Variants in SLC36A4 observed in about 807,000 individuals in gnomAD.
SLC36A4 encodes neutral amino acid uniporter 4.
A neutral mutation model predicts 50.5 loss-of-function variants in SLC36A4; 49 were observed. The observed-to-expected ratio is 0.97, with a 90% confidence interval of 0.77 to 1.23. SLC36A4 has a LOEUF of 1.23. Ranked by LOEUF, SLC36A4 falls within the 50% of genes most tolerant of loss-of-function variation. SLC36A4 has a pLI of 0.00. For synonymous variants in SLC36A4, 207 were observed against 206.5 expected (o/e 1.00, Z -0.02); for missense variants, 611 against 608.4 (o/e 1.00, Z -0.05).
chr11:93,145,354 A>G lies in SLC36A4; in HGVS notation c.*3183T>C, dbSNP rs1240168254. The G allele has an allele frequency of 1.3e-5, 2 of 152,142 alleles. No homozygotes were observed. Among genetic ancestry groups the G allele is most frequent in the Admixed American group, 1.3e-4 (2 of 15,250 alleles). 9.4% of individuals were successfully genotyped at this position (152,142 alleles called of 1,614,324 possible). ...GAGAATTTAGTGAGAATACGACTAA[A>G]TATAATGTGGCATTTGCTAATACAG... On this transcript the variant is annotated 3_prime_UTR_variant, in exon 11 of 11. Coordinates refer to ENST00000326402, the MANE Select transcript of SLC36A4 (RefSeq NM_152313.4).
At chr11:93,153,211 C>T (rs983078569) in intron 10 of SLC36A4, among the ~76,000 whole-genome samples, 6 of 152,194 alleles carry the variant, frequency 3.9e-5, no homozygotes, top group African/African-American at 1.2e-4. Context: ...ATATCTTACA[C>T]AAGGAATTTC....
chr11:93,185,764 A>T lies in SLC36A4; in HGVS notation c.106T>A (p.Ser36Thr), dbSNP rs1861958053. ...LINEQNFDGT[S>T]DEEHEQELLP... ...AGCTCTTGCTCATGTTCTTCATCTGATGTCCCATCAAAATTCTGCTCATTT... is the reference window on the plus strand; with the variant it reads ...AGCTCTTGCTCATGTTCTTCATCTGTTGTCCCATCAAAATTCTGCTCATTT... The change falls in exon 2 of 11, where the codon TCA becomes ACA. Residue 36 changes from serine to threonine, a missense_variant. Physicochemically the swap from Ser to Thr is moderately conservative, Grantham distance 58. Transcript: ENST00000326402. 6.2e-7 allele frequency: 1 copy of T among 1,608,620 alleles called. No homozygotes were observed.
intron 1 of SLC36A4, among the ~76,000 whole-genome samples, chr11:93,186,617 C>G (rs1037731896): frequency 2.0e-5 from 3 of 152,078 alleles, no homozygotes; most frequent in Non-Finnish European, 4.4e-5. Flanking sequence ...TCTAGTTTTT[C>G]CTGTCTCTGT....
chr11:93,178,288 C>G (rs1030782995), intron 6 of SLC36A4, among the ~76,000 whole-genome samples: 1 of 152,110 alleles, frequency 6.6e-6, no homozygotes, highest in African/African-American at 2.4e-5. Flanking sequence ...TTTCCAGGTA[C>G]CATCTGTCAT....
chr11:93,164,510 T>C (rs1860776243), intron 8 of SLC36A4, among the ~76,000 whole-genome samples: 1 of 152,160 alleles, frequency 6.6e-6, no homozygotes, highest in African/African-American at 2.4e-5. Context: ...ACAATAACTC[T>C]ATGAGATGAT....
At chr11:93,161,523 T>G (rs1273356273) in intron 9 of SLC36A4, among the ~76,000 whole-genome samples, 1 of 152,252 alleles carries the variant, frequency 6.6e-6, no homozygotes, top group African/African-American at 2.4e-5. Flanking sequence ...TGCTCTGTCA[T>G]AAATGGCTTC....
At chr11:93,180,903 T>C (rs775394075) in intron 5 of SLC36A4, 22 bp from the exon 6 acceptor site, 1 of 1,516,190 alleles carries the variant, frequency 6.6e-7, no homozygotes, top group Non-Finnish European at 9.2e-7. Context: ...TATCCACAAA[T>C]GAGTATCCAG....
chr11:93,180,393 C>A (rs1372084792), intron 6 of SLC36A4: 2 of 876,388 alleles, frequency 2.3e-6, no homozygotes, highest in Non-Finnish European at 2.7e-6. Context: ...CTATAATTAC[C>A]AGATTTTAAT....
intron 5 of SLC36A4, among the ~76,000 whole-genome samples, chr11:93,181,463 C>T (rs1861728759): frequency 6.6e-6 from 1 of 152,008 alleles, no homozygotes; most frequent in Non-Finnish European, 1.5e-5. Flanking sequence ...ACTGTAAACT[C>T]ATTTCATACT....
At position 93,181,730 on chromosome 11, in the gene SLC36A4, C is replaced by G. The variant is rs773980935; in HGVS notation, c.416G>C (p.Ser139Thr). 6.5e-7 allele frequency: 1 copy of G among 1,543,226 alleles called. No homozygotes were observed. The highest frequency in any genetic ancestry group is 2.4e-5 in the East Asian group (1 of 42,516). Residue 139 changes from serine to threonine, a missense_variant, in exon 5 of 11, where the codon AGT (serine) becomes ACT (threonine). Transcript: ENST00000326402. ...TTGCTTCTGAAGACAACTCCAAGGACTCACTTCCATAGCAAAGCTCACAGT... is the reference window on the plus strand; with the variant it reads ...TTGCTTCTGAAGACAACTCCAAGGAGTCACTTCCATAGCAAAGCTCACAGT... Reference protein sequence around the residue: ...SDTVSFAMEVSPWSCLQKQAA... With the variant: ...SDTVSFAMEVTPWSCLQKQAA...
chr11:93,172,879 T>C (rs1398305064), intron 6 of SLC36A4, among the ~76,000 whole-genome samples: 4 of 149,252 alleles, frequency 2.7e-5, no homozygotes, highest in South Asian at 4.3e-4. Flanking sequence ...AAGTCTTTGC[T>C]ATTGTGAATA....
At chr11:93,172,116 G>C (rs563463366) in intron 6 of SLC36A4, among the ~76,000 whole-genome samples, 1 of 151,972 alleles carries the variant, frequency 6.6e-6, no homozygotes, top group East Asian at 1.9e-4. Flanking sequence ...GTAAAAGTTA[G>C]AAGAAATAGT....
intron 1 of SLC36A4, among the ~76,000 whole-genome samples, chr11:93,192,475 G>A (rs567068270): frequency 6.6e-6 from 1 of 152,142 alleles, no homozygotes; most frequent in South Asian, 2.1e-4. Context: ...AAAGCCACTA[G>A]AGCAGTGCCT....
At chr11:93,170,868 C>T (rs1416672148) in intron 6 of SLC36A4, among the ~76,000 whole-genome samples, 3 of 152,018 alleles carry the variant, frequency 2.0e-5, no homozygotes, top group Non-Finnish European at 4.4e-5. Flanking sequence ...CAGGTTTCTA[C>T]ATTTGTGTGG....
chr11:93,180,998 G>T, intron 5 of SLC36A4, 117 bp from the exon 6 acceptor site: 5 of 705,368 alleles, frequency 7.1e-6, no homozygotes, highest in Non-Finnish European at 4.8e-6. Context: ...CTCCTACTCA[G>T]TATGTCAGGA....
intron 8 of SLC36A4, 88 bp from the exon 9 acceptor site, chr11:93,162,963 T>C: frequency 8.1e-7 from 1 of 1,231,586 alleles, no homozygotes; most frequent in Non-Finnish European, 1.1e-6. Context: ...TGGTTGTTTA[T>C]AGCCTATATG....
intron 9 of SLC36A4, among the ~76,000 whole-genome samples, chr11:93,156,016 G>T (rs1174882330): frequency 1.3e-5 from 2 of 152,118 alleles, no homozygotes; most frequent in African/African-American, 2.4e-5. Flanking sequence ...TTGCTATTGT[G>T]AAAAGTGCTG....
At chr11:93,189,806 AT>A (rs1862139509) in intron 1 of SLC36A4, among the ~76,000 whole-genome samples, 1 of 152,190 alleles carries the variant, frequency 6.6e-6, no homozygotes, top group Non-Finnish European at 1.5e-5. Flanking sequence ...AAGTTTTTTC[AT>A]ATCTTTAACA....
intron 1 of SLC36A4, among the ~76,000 whole-genome samples, chr11:93,189,148 T>G (rs1862109780): frequency 6.6e-6 from 1 of 151,898 alleles, no homozygotes; most frequent in Admixed American, 6.6e-5. Context: ...CTGCAATCTC[T>G]GCCCCGCCAA....
Sources: gnomAD v4.1 joint callset for allele counts (sites outside exome capture counted in the v4.1 genomes callset) on GRCh38, gnomAD v4.1.1 for gene constraint, MANE v1.5 for transcripts, NCBI Gene and HGNC (gene_info 2026-07-23, HGNC 2026-07-21) for gene names.